The following RNPEP variants were observed in gnomAD, a reference collection of about 807,000 sequenced individuals.
RNPEP encodes aminopeptidase B.
In RNPEP, 57 loss-of-function variants were observed where a neutral mutation model predicts 70.1. That is an observed-to-expected ratio of 0.81 (90% confidence interval 0.66 to 1.01). The LOEUF is 1.01. Among genes scored for constraint, RNPEP ranks in the 50% least tolerant of loss-of-function variants. The pLI is 0.00. For missense variants in RNPEP, 787 were observed against 852.4 expected (o/e 0.92, Z 0.96); for synonymous variants, 335 against 357.4 (o/e 0.94, Z 0.71).
rs371135787 is a variant in RNPEP at position 202,003,279 on chromosome 1, C to T, written c.1469C>T (p.Pro490Leu). 1.2e-5 allele frequency: 20 copies of T among 1,613,920 alleles called. No homozygotes were observed. The highest frequency in any genetic ancestry group is 1.7e-4 in the Middle Eastern group (1 of 6,052). ...TGGCTGAATACCCCCGGCTGGCCCC[C>T]GTACCTCCCTGATCTCTCCCCTGGG... ...DRWLNTPGWP[P>L]YLPDLSPGDS... is the part of the protein sequence containing the mutation. Residue 490 changes from proline to leucine, a missense_variant, in exon 9 of 11, where the codon CCG becomes CTG. Pro to Leu is a moderately conservative substitution (Grantham distance 98). Transcript: ENST00000295640.
chr1:202,003,019 C>G, intron 8 of RNPEP: 1 of 529,270 alleles, frequency 1.9e-6, no homozygotes, highest in African/African-American at 1.9e-5. Context: ...TAATTTGGAG[C>G]GAAAAGCACT....
At chr1:201,988,809 A>T (rs533449062) in intron 1 of RNPEP, 95 bp from the exon 2 acceptor site, 403 of 1,436,204 alleles carry the variant, frequency 2.8e-4, no homozygotes, top group Non-Finnish European at 3.6e-4. Context: ...TTTAAGGATT[A>T]CCTAAAATTC....
intron 3 of RNPEP, among the ~76,000 whole-genome samples, chr1:201,992,677 C>T (rs991383471): frequency 2.0e-5 from 3 of 152,062 alleles, no homozygotes; most frequent in African/African-American, 7.2e-5. Flanking sequence ...TTACCAACAC[C>T]CCAAAGCCCC....
At chr1:201,994,758 C>A (rs1683482187) in intron 3 of RNPEP, among the ~76,000 whole-genome samples, 1 of 151,644 alleles carries the variant, frequency 6.6e-6, no homozygotes. Flanking sequence ...CCTCTGCCAC[C>A]CAGGTTCAAG....
intron 3 of RNPEP, 85 bp from the exon 4 acceptor site, chr1:201,996,062 C>A: frequency 9.2e-7 from 1 of 1,091,698 alleles, no homozygotes; most frequent in South Asian, 1.4e-5. Flanking sequence ...TTGGCGGAGG[C>A]CAATTTCCTA....
intron 1 of RNPEP, among the ~76,000 whole-genome samples, chr1:201,986,928 A>G (rs1683150881): frequency 6.6e-6 from 1 of 152,184 alleles, no homozygotes; most frequent in Non-Finnish European, 1.5e-5. Context: ...TGGCTGAAGC[A>G]GTGATTATCA....
At chr1:201,987,257 CCAGA>C (rs1459433645) in intron 1 of RNPEP, among the ~76,000 whole-genome samples, 2 of 151,976 alleles carry the variant, frequency 1.3e-5, no homozygotes, top group Non-Finnish European at 2.9e-5. Context: ...GAAGGTCCAG[CCAGA>C]AAGTTTTCTT....
intron 1 of RNPEP, among the ~76,000 whole-genome samples, chr1:201,984,990 T>G (rs1039320852): frequency 4.0e-5 from 6 of 151,536 alleles, no homozygotes; most frequent in African/African-American, 1.5e-4. Flanking sequence ...GTCAGGAGTT[T>G]GAGACCAGCC....
intron 3 of RNPEP, among the ~76,000 whole-genome samples, chr1:201,990,941 C>A (rs1254288279): frequency 6.6e-6 from 1 of 152,116 alleles, no homozygotes; most frequent in Non-Finnish European, 1.5e-5. Flanking sequence ...ACAATAGATT[C>A]TAAAGATACT....
rs1571642254 is a variant in RNPEP, at chr1:201,999,943, C to G, written c.1132C>G (p.Leu378Val). The G allele has an allele frequency of 6.2e-7, 1 of 1,613,894 alleles. No individual in the cohort carries two copies. Among genetic ancestry groups the G allele is most frequent in the Non-Finnish European group, 8.5e-7 (1 of 1,179,886 alleles). ...TCLEAATGRA[L>V]LRQHMDITGE... Reference sequence around the variant, plus strand: ...CTTGGAGGCTGCAACGGGGCGGGCTCTGCTGCGTCAGCACATGGACATCAC... The same window carrying G: ...CTTGGAGGCTGCAACGGGGCGGGCTGTGCTGCGTCAGCACATGGACATCAC... The change falls in exon 6 of 11, where the codon CTG becomes GTG. Residue 378 changes from leucine (L) to valine (V), a missense_variant. Coordinates refer to ENST00000295640, the MANE Select transcript of RNPEP (RefSeq NM_020216.4).
Position 201,989,003 on chromosome 1 carries a change from G to T in RNPEP, c.547G>T (p.Asp183Tyr). The T allele has an allele frequency of 6.2e-7, 1 of 1,614,132 alleles. No homozygotes were observed. Among genetic ancestry groups the T allele is most frequent in the Non-Finnish European group, 8.5e-7 (1 of 1,180,002 alleles). The change falls in exon 2 of 11, where the codon GAC becomes TAC. Residue 183 changes from aspartate to tyrosine, a missense_variant. Asp to Tyr is a radical substitution (Grantham distance 160, BLOSUM62 -3). Coordinates refer to ENST00000295640, the MANE Select transcript of RNPEP (RefSeq NM_020216.4). ...VLNRAFFPCFDTPAVKYKYSA... is the reference protein window; with the variant it reads ...VLNRAFFPCFYTPAVKYKYSA... ...AAACCGGGCCTTCTTCCCTTGCTTC[G>T]ACACGCCTGCTGTTAAATACAAGTA...
At chr1:201,984,133 T>C (rs565499414) in intron 1 of RNPEP, among the ~76,000 whole-genome samples, 1 of 152,282 alleles carries the variant, frequency 6.6e-6, no homozygotes, top group South Asian at 2.1e-4. Flanking sequence ...AATTTCACCA[T>C]TTTGGTCAGG....
intron 5 of RNPEP, among the ~76,000 whole-genome samples, chr1:201,997,977 G>T (rs1046414674): frequency 1.3e-5 from 2 of 152,034 alleles, no homozygotes; most frequent in Non-Finnish European, 2.9e-5. Context: ...TGGTCAGGCT[G>T]GTCTCGAACT....
chr1:201,993,708 G>C (rs1683429221), intron 3 of RNPEP, among the ~76,000 whole-genome samples: 1 of 152,186 alleles, frequency 6.6e-6, no homozygotes, highest in Non-Finnish European at 1.5e-5. Flanking sequence ...GAACCCGGGA[G>C]GTGGAGCTTG....
chr1:201,994,833 A>ATTTTT (rs34077790), intron 3 of RNPEP, among the ~76,000 whole-genome samples: 3,449 of 85,168 alleles, frequency 0.04, 173 homozygotes, highest in Non-Finnish European at 0.06. Context: ...TGTCCTGCTA[A>ATTTTT]TTTTTTTTTT....
In RNPEP at chr1:201,982,878, A is replaced by G. The variant is rs2102955435; in HGVS notation, c.212A>G (p.Glu71Gly). The G allele has an allele frequency of 7.1e-7, 1 of 1,402,582 alleles. No individual in the cohort carries two copies. 86.9% of individuals were successfully genotyped at this position (1,402,582 alleles called of 1,614,324 possible). The change falls in exon 1 of 11, where the codon GAG (glutamate) becomes GGG (glycine). Residue 71 changes from glutamate to glycine, a missense_variant. Coordinates refer to ENST00000295640, the MANE Select transcript of RNPEP (RefSeq NM_020216.4). The part of the protein sequence containing the change: ...GTAVLDLRCL[E>G]PEGAAELRLD... The stretch of plus-strand genomic sequence containing the variant: ...GCGGTCCTGGACCTGCGCTGCCTGG[A>G]GCCCGAGGGCGCCGCCGAGCTGCGG...
chr1:202,005,100 A>C (rs1683999360), intron 10 of RNPEP, among the ~76,000 whole-genome samples: 1 of 152,058 alleles, frequency 6.6e-6, no homozygotes, highest in African/African-American at 2.4e-5. Context: ...GGATTTTAGG[A>C]ACTTGTGATG....
Position 202,001,447 on chromosome 1 carries a change from C to A in RNPEP, c.1276C>A (p.His426Asn), listed in dbSNP as rs778190508. Residue 426 changes from histidine (H) to asparagine (N), a missense_variant, in exon 7 of 11, where the codon CAC (histidine) becomes AAC (asparagine). Transcript: ENST00000295640. ...KGFCFVSYLAHLVGDQDQFDS... is the reference protein window; with the variant it reads ...KGFCFVSYLANLVGDQDQFDS... ...TTTCTGCTTTGTTTCATACCTGGCC[C>A]ACTTGGTGGGTGATCAGGATCAGTT... The A allele has an allele frequency of 6.2e-7, 1 of 1,613,670 alleles. No individual in the cohort carries two copies. The highest frequency in any genetic ancestry group is 8.5e-7 in the Non-Finnish European group (1 of 1,179,712).
chr1:201,994,483 C>T (rs1426868329), intron 3 of RNPEP, among the ~76,000 whole-genome samples: 2 of 152,210 alleles, frequency 1.3e-5, no homozygotes, highest in South Asian at 2.1e-4. Flanking sequence ...CCCAGACTCT[C>T]GGTGCTTCCT....
Sources: gnomAD v4.1 joint callset for allele counts (sites outside exome capture counted in the v4.1 genomes callset) on GRCh38, gnomAD v4.1.1 for gene constraint, MANE v1.5 for transcripts, NCBI Gene and HGNC (gene_info 2026-07-23, HGNC 2026-07-21) for gene names.